TENM1: variants seen among roughly 807,000 people sequenced by gnomAD.
TENM1 encodes teneurin transmembrane protein 1, also known as teneurin-1.
In TENM1, 35 loss-of-function variants were observed where a neutral mutation model predicts 174.8. That is an observed-to-expected ratio of 0.20 (90% CI 0.15 to 0.27). The LOEUF is 0.27. TENM1 is among the 10% of genes least tolerant of loss of function. TENM1 has a pLI of 1.00. For missense variants in TENM1, 1,633 were observed against 2,130.1 expected (o/e 0.77, Z 4.59); for synonymous variants, 781 against 798.7 (o/e 0.98, Z 0.37).
At chrX:124,652,398 G>GT (rs1270848001) in intron 7 of TENM1, among the ~76,000 whole-genome samples, 1 of 111,095 alleles carries the variant, frequency 9.0e-6, no homozygotes, top group Non-Finnish European at 1.9e-5. Context: ...ATTTTTAAAA[G>GT]TTTTTTAAAG....
chrX:124,753,896 T>A (rs1355671526), intron 3 of TENM1, among the ~76,000 whole-genome samples: 1 of 111,810 alleles, frequency 8.9e-6, no homozygotes. Flanking sequence ...TTTGCCAGTA[T>A]TTTATTGAGG....
intron 1 of TENM1, among the ~76,000 whole-genome samples, chrX:124,926,757 T>A (rs529874004): frequency 7.1e-5 from 8 of 112,329 alleles, no homozygotes; most frequent in Non-Finnish European, 5.6e-5. Context: ...GTTAATGCTG[T>A]ACTGGAACTT....
chrX:124,757,868 T>C (rs925241209), intron 3 of TENM1, among the ~76,000 whole-genome samples: 2 of 112,205 alleles, frequency 1.8e-5, no homozygotes, highest in African/African-American at 6.5e-5. Flanking sequence ...TTGTATAACA[T>C]CTCCATTTGA....
chrX:124,559,575 G>T (rs986542019), intron 14 of TENM1, among the ~76,000 whole-genome samples: 4 of 110,635 alleles, frequency 3.6e-5, no homozygotes, highest in Non-Finnish European at 7.6e-5. Flanking sequence ...GGCTAAGGCA[G>T]AAGGATTACC....
At chrX:124,554,258 G>A (rs2048646137) in intron 14 of TENM1, among the ~76,000 whole-genome samples, 1 of 112,388 alleles carries the variant, frequency 8.9e-6, no homozygotes, top group Non-Finnish European at 1.9e-5. Context: ...ATTCTTCATT[G>A]ATAACACACT....
intron 15 of TENM1, among the ~76,000 whole-genome samples, chrX:124,540,376 C>T: frequency 8.9e-6 from 1 of 112,042 alleles, no homozygotes. Context: ...GTAAAGTCCT[C>T]AGTTTCTCTG....
chrX:124,820,918 CT>C (rs1569455266), intron 3 of TENM1, among the ~76,000 whole-genome samples: 1 of 112,359 alleles, frequency 8.9e-6, no homozygotes, highest in Non-Finnish European at 1.9e-5. Flanking sequence ...TACATGTTGT[CT>C]TCTATTAGAT....
chrX:124,758,971 T>C (rs2054338250), intron 3 of TENM1, among the ~76,000 whole-genome samples: 1 of 111,799 alleles, frequency 8.9e-6, no homozygotes, highest in South Asian at 3.7e-4. Flanking sequence ...AATGTACACA[T>C]AGTTAACACT....
chrX:124,928,861 C>G (rs937140825), intron 1 of TENM1, among the ~76,000 whole-genome samples: 3 of 111,636 alleles, frequency 2.7e-5, no homozygotes, highest in Non-Finnish European at 3.8e-5. Context: ...TCCCACCTTT[C>G]ATCATCACAC....
chrX:125,165,804 C>G, the TENM1 span, among the ~76,000 whole-genome samples: 2 of 111,490 alleles, frequency 1.8e-5, no homozygotes, highest in Non-Finnish European at 3.8e-5. Flanking sequence ...CATTTTCAAG[C>G]CATCATGGTT....
At chrX:124,727,646 T>C (rs192706142) in intron 4 of TENM1, among the ~76,000 whole-genome samples, 49 of 111,099 alleles carry the variant, frequency 4.4e-4, no homozygotes, top group Non-Finnish European at 3.8e-5. Context: ...TACTTGCACA[T>C]AATTTCATGG....
At chrX:124,593,906 C>T (rs934043890) in intron 11 of TENM1, among the ~76,000 whole-genome samples, 5 of 112,160 alleles carry the variant, frequency 4.5e-5, no homozygotes, top group African/African-American at 1.6e-4. Flanking sequence ...CCCTACCCTA[C>T]TCCAGAGCAG....
chrX:125,140,194 A>G, the TENM1 span, among the ~76,000 whole-genome samples: 6 of 111,707 alleles, frequency 5.4e-5, no homozygotes, highest in Non-Finnish European at 1.1e-4. Context: ...ACTGTGCCAC[A>G]TCGTAAAGGC....
intron 1 of TENM1, among the ~76,000 whole-genome samples, chrX:124,897,126 C>T (rs191538280): frequency 6.3e-5 from 7 of 111,885 alleles, no homozygotes; most frequent in Non-Finnish European, 1.9e-5. Flanking sequence ...TATACAACAA[C>T]GATGCCCCAT....
At chrX:124,842,449 A>G (rs1471137373) in intron 3 of TENM1, among the ~76,000 whole-genome samples, 1 of 111,566 alleles carries the variant, frequency 9.0e-6, no homozygotes, top group Non-Finnish European at 1.9e-5. Context: ...TGGAAGTTGA[A>G]TGACAATTCC....
the TENM1 span, among the ~76,000 whole-genome samples, chrX:125,178,686 G>A: frequency 1.8e-5 from 2 of 111,800 alleles, no homozygotes; most frequent in South Asian, 7.5e-4. Flanking sequence ...TCACACGGGT[G>A]TTCAAGGGGA....
chrX:125,132,981 T>C, the TENM1 span, among the ~76,000 whole-genome samples: 15 of 111,169 alleles, frequency 1.3e-4, no homozygotes, highest in Non-Finnish European at 2.3e-4. Flanking sequence ...TTCTTCTTTT[T>C]TTTCTTTCTT....
intron 3 of TENM1, among the ~76,000 whole-genome samples, chrX:124,804,880 T>C (rs767361089): frequency 9.0e-5 from 10 of 111,729 alleles, no homozygotes; most frequent in Non-Finnish European, 1.7e-4. Context: ...GATGTACAAG[T>C]AGAAGAATTC....
At chrX:124,791,961 T>C (rs956242323) in intron 3 of TENM1, among the ~76,000 whole-genome samples, 5 of 111,219 alleles carry the variant, frequency 4.5e-5, no homozygotes, top group African/African-American at 6.5e-5. Flanking sequence ...TTAACCTTCC[T>C]ATGAAGGATG....
Sources: gnomAD v4.1 joint callset for allele counts (sites outside exome capture counted in the v4.1 genomes callset) on GRCh38, gnomAD v4.1.1 for gene constraint, MANE v1.5 for transcripts, NCBI Gene and HGNC (gene_info 2026-07-23, HGNC 2026-07-21) for gene names.